The following SLC7A2 variants were observed in gnomAD, a reference collection of about 807,000 sequenced individuals.
SLC7A2 encodes the protein cationic amino acid transporter 2.
Under a neutral mutation model 58.9 loss-of-function variants are expected in SLC7A2, and 48 were observed. That is an observed-to-expected ratio of 0.82 (90% confidence interval 0.65 to 1.04). The LOEUF (loss-of-function observed/expected upper bound fraction) is 1.04, where lower values mean the gene tolerates loss of function less well. SLC7A2 is among the 50% of genes least tolerant of loss of function. The pLI, the probability that SLC7A2 is intolerant of heterozygous loss-of-function variation, is 0.00. For synonymous variants in SLC7A2, 363 were observed against 314.5 expected, an observed-to-expected ratio of 1.15 and a Z score of -1.63; for missense variants, 1,029 against 818.8, an observed-to-expected ratio of 1.26 and a Z score of -3.13.
At chr8:17,520,762 GGTATCTGTAA>G in intron 2 of SLC7A2, 1 of 933,174 alleles carries the variant, frequency 1.1e-6, no homozygotes, top group Non-Finnish European at 1.3e-6. Flanking sequence ...GGAATAAAAG[GGTATCTGTAA>G]GTAGAGATGA....
intron 2 of SLC7A2, among the ~76,000 whole-genome samples, chr8:17,531,410 T>G (rs1287730268): frequency 1.3e-5 from 2 of 152,134 alleles, no homozygotes; most frequent in African/African-American, 4.8e-5. Context: ...AAAAAGAAAT[T>G]TGAGAAACTC....
chr8:17,556,442 A>C (rs1802706357), intron 8 of SLC7A2, among the ~76,000 whole-genome samples: 1 of 152,066 alleles, frequency 6.6e-6, no homozygotes, highest in Non-Finnish European at 1.5e-5. Context: ...AATGCTCTAA[A>C]ATATTTTTGT....
intron 2 of SLC7A2, among the ~76,000 whole-genome samples, chr8:17,523,115 C>T (rs149539393): frequency 0.035 from 5,307 of 151,980 alleles, 314 homozygotes; most frequent in African/African-American, 0.12. Flanking sequence ...ATGTAACAAA[C>T]CTGCATGTTC....
At chr8:17,528,471 A>G (rs1801309542) in intron 2 of SLC7A2, among the ~76,000 whole-genome samples, 1 of 151,714 alleles carries the variant, frequency 6.6e-6, no homozygotes, top group Non-Finnish European at 1.5e-5. Flanking sequence ...TGCAGCCTCT[A>G]CCTCCTGGAC....
At position 17,565,190 on chromosome 8, in the gene SLC7A2, C is replaced by G. The variant is rs1360811262; in HGVS notation, c.*44C>G. On this transcript the variant is annotated 3_prime_UTR_variant, in exon 13 of 13. Transcript: ENST00000494857. Reference sequence around the variant, plus strand: ...TGGTCATCGTCTTAGCATACATATCCTACACTGAGTAAACCGTAACGGGAT... The same window carrying G: ...TGGTCATCGTCTTAGCATACATATCGTACACTGAGTAAACCGTAACGGGAT... The G allele has an allele frequency of 4.1e-6, 6 of 1,471,066 alleles. No individual in the cohort carries two copies. The highest frequency in any genetic ancestry group is 4.7e-6 in the Non-Finnish European group (5 of 1,068,834). The allele number at this position is 1,471,066 out of a possible 1,614,324, so 91.1% of individuals were successfully genotyped here.
chr8:17,546,891 T>C (rs1259088054), intron 4 of SLC7A2, among the ~76,000 whole-genome samples: 2 of 152,158 alleles, frequency 1.3e-5, no homozygotes, highest in African/African-American at 4.8e-5. Flanking sequence ...GGGTTAAAGA[T>C]ATACATATGA....
chr8:17,543,963 G>A (rs1440515834), intron 3 of SLC7A2, among the ~76,000 whole-genome samples: 1 of 152,170 alleles, frequency 6.6e-6, no homozygotes, highest in African/African-American at 2.4e-5. Context: ...CTGCCTCCTG[G>A]CTTCAAGCGA....
At chr8:17,503,023 A>G (rs1800225187) in intron 2 of SLC7A2, among the ~76,000 whole-genome samples, 1 of 151,976 alleles carries the variant, frequency 6.6e-6, no homozygotes, top group Non-Finnish European at 1.5e-5. Flanking sequence ...TTTTTGCTTC[A>G]AGTAGAAAAC....
chr8:17,512,148 G>A (rs1223051240), intron 2 of SLC7A2, among the ~76,000 whole-genome samples: 2 of 152,138 alleles, frequency 1.3e-5, no homozygotes, highest in Non-Finnish European at 2.9e-5. Context: ...TATATCGTAT[G>A]TCAGGCTTTA....
chr8:17,495,944 G>A (rs189236302), upstream of SLC7A2, among the ~76,000 whole-genome samples: 87 of 152,326 alleles, frequency 5.7e-4, no homozygotes, highest in African/African-American at 1.8e-3. Context: ...GCCCCACACC[G>A]TTTATTAGAT....
intron 5 of SLC7A2, among the ~76,000 whole-genome samples, chr8:17,549,968 G>A (rs1481040623): frequency 6.6e-6 from 1 of 152,146 alleles, no homozygotes; most frequent in African/African-American, 2.4e-5. Flanking sequence ...AGAAGAAGAG[G>A]TTTCTGGTCT....
At chr8:17,495,964 G>T (rs1799947586), upstream of SLC7A2, among the ~76,000 whole-genome samples, 1 of 152,214 alleles carries the variant, frequency 6.6e-6, no homozygotes, top group African/African-American at 2.4e-5. Flanking sequence ...TGATCTTGGG[G>T]ATATATGTCT....
chr8:17,498,554 C>G (rs1186213118), intron 1 of SLC7A2: 1 of 152,184 alleles, frequency 6.6e-6, no homozygotes, highest in African/African-American at 2.4e-5. Flanking sequence ...CTTCTTCCCT[C>G]TCCTTTTCCT....
rs1248618640 is a variant in SLC7A2 at position 17,566,358 on chromosome 8, T to G, written c.*1212T>G. 1 of 152,194 alleles carries G rather than the reference T, an allele frequency of 6.6e-6. No homozygotes were observed. The highest frequency in any genetic ancestry group is 2.4e-5 in the African/African-American group (1 of 41,460). 9.4% of individuals were successfully genotyped at this position (152,194 alleles called of 1,614,324 possible). ...CCCCTGTTCTGATAGGAACGGCCTG[T>G]TCCATTGTTAAATGGCAAATGGCCC... On this transcript the variant is annotated 3_prime_UTR_variant, in exon 13 of 13. Transcript: ENST00000494857.
intron 2 of SLC7A2, among the ~76,000 whole-genome samples, chr8:17,533,911 C>G (rs1384375711): frequency 6.6e-6 from 1 of 152,140 alleles, no homozygotes; most frequent in Non-Finnish European, 1.5e-5. Context: ...TGCTCTCCCT[C>G]CCCTCAGCCC....
intron 2 of SLC7A2, among the ~76,000 whole-genome samples, chr8:17,503,151 C>T (rs989173707): frequency 1.1e-4 from 17 of 151,892 alleles, no homozygotes; most frequent in Admixed American, 3.9e-4. Flanking sequence ...CCCGGGTTCA[C>T]GCCATTCTCC....
intron 2 of SLC7A2, among the ~76,000 whole-genome samples, chr8:17,534,129 G>A (rs1455459808): frequency 6.6e-6 from 1 of 152,152 alleles, no homozygotes; most frequent in Non-Finnish European, 1.5e-5. Context: ...ATTCCATAGT[G>A]TGTATATACC....
At chr8:17,504,826 A>G (rs1192172907) in intron 2 of SLC7A2, among the ~76,000 whole-genome samples, 1 of 152,202 alleles carries the variant, frequency 6.6e-6, no homozygotes, top group Non-Finnish European at 1.5e-5. Context: ...CAGGTCCAGA[A>G]AAAGAAAAGA....
intron 2 of SLC7A2, among the ~76,000 whole-genome samples, chr8:17,533,301 G>C (rs572174609): frequency 6.6e-6 from 1 of 152,266 alleles, no homozygotes; most frequent in Non-Finnish European, 1.5e-5. Context: ...GTGTTTTTCA[G>C]AATTCAAAAT....
Sources: gnomAD v4.1 joint callset for allele counts (sites outside exome capture counted in the v4.1 genomes callset) on GRCh38, gnomAD v4.1.1 for gene constraint, MANE v1.5 for transcripts, NCBI Gene and HGNC (gene_info 2026-07-23, HGNC 2026-07-21) for gene names.